Variants in PKP4 observed in about 807,000 individuals in gnomAD.
The protein encoded by PKP4 is plakophilin 4.
Under a neutral mutation model 145.1 loss-of-function variants are expected in PKP4, and 90 were observed. That is an observed-to-expected ratio of 0.62 (90% CI 0.52 to 0.74). PKP4 has a LOEUF of 0.74. Ranked by LOEUF, PKP4 falls within the 30% of genes least tolerant of loss-of-function variation. The pLI is 0.00. For missense variants in PKP4, 1,340 were observed against 1,482.7 expected, an observed-to-expected ratio of 0.90 and a Z score of 1.58; for synonymous variants, 563 against 577.2, an observed-to-expected ratio of 0.98 and a Z score of 0.35.
intron 2 of PKP4, among the ~76,000 whole-genome samples, chr2:158,534,134 GT>G (rs1305185268): frequency 6.6e-6 from 1 of 151,780 alleles, no homozygotes; most frequent in East Asian, 1.9e-4. Flanking sequence ...GCCACTAGAT[GT>G]TTTTTTCTCA....
chr2:158,608,794 A>C (rs374572832), intron 4 of PKP4, among the ~76,000 whole-genome samples: 2 of 99,538 alleles, frequency 2.0e-5, no homozygotes, highest in African/African-American at 7.4e-5. Flanking sequence ...GTAAAATCTT[A>C]TTTTCTTTTC....
intron 2 of PKP4, among the ~76,000 whole-genome samples, chr2:158,573,278 A>T (rs1324327928): frequency 6.6e-6 from 1 of 152,254 alleles, no homozygotes; most frequent in Non-Finnish European, 1.5e-5. Flanking sequence ...CCAATTGCAT[A>T]AATTGTGTGG....
At chr2:158,490,942 G>A (rs1002358736) in intron 1 of PKP4, among the ~76,000 whole-genome samples, 1 of 152,116 alleles carries the variant, frequency 6.6e-6, no homozygotes, top group Non-Finnish European at 1.5e-5. Flanking sequence ...ACGGCCGTAG[G>A]CATTTCTAAT....
Position 158,658,426 on chromosome 2 carries a change from T to C in PKP4, c.2093+112T>C. 4.5e-6 allele frequency: 3 copies of C among 665,894 alleles called. No individual in the cohort carries two copies. The Admixed American group carries it at 9.7e-5, about 22-fold the overall frequency. The allele number at this position is 665,894 out of a possible 1,614,324, so 41.2% of individuals were successfully genotyped here. A position where few individuals can be genotyped will look rare whatever the true frequency, so the allele number is the denominator to read the frequency against. ...AACATCTATCTAAGTTTCCAGTTTT[T>C]ATTTCAAAATTTAGGCCACTGGACT... On this transcript the variant is annotated intron_variant, in intron 12 of 21. Coordinates refer to ENST00000389759, the MANE Select transcript of PKP4 (RefSeq NM_003628.6).
chr2:158,661,254 C>T, intron 12 of PKP4, 79 bp from the exon 13 acceptor site: 1 of 1,054,942 alleles, frequency 9.5e-7, no homozygotes. Flanking sequence ...TTCGCTCTCT[C>T]AGATCCTTAA....
chr2:158,522,771 T>C (rs973167145), intron 1 of PKP4, among the ~76,000 whole-genome samples: 3 of 152,098 alleles, frequency 2.0e-5, no homozygotes, highest in Non-Finnish European at 2.9e-5. Context: ...CCAGTGGGTG[T>C]GCGCACCGTG....
chr2:158,663,539 C>A, intron 15 of PKP4, 94 bp downstream of exon 15: 1 of 1,123,996 alleles, frequency 8.9e-7, no homozygotes, highest in Non-Finnish European at 1.3e-6. Context: ...CAGATCAGCC[C>A]TGATGGTGAA....
intron 7 of PKP4, 123 bp from the exon 8 acceptor site, chr2:158,631,630 A>G (rs1388589779): frequency 4.9e-6 from 4 of 823,918 alleles, no homozygotes; most frequent in Admixed American, 4.0e-5. Context: ...GGCTCAAGCC[A>G]TTCTCCCACC....
chr2:158,474,147 T>C (rs16842963), intron 1 of PKP4, among the ~76,000 whole-genome samples: 33,491 of 152,156 alleles, frequency 0.22, 3,860 homozygotes, highest in Middle Eastern at 0.33. Context: ...TAACAGAAGC[T>C]ACTCGACGAC....
At chr2:158,483,366 T>TG (rs1397469483) in intron 1 of PKP4, among the ~76,000 whole-genome samples, 6 of 38,096 alleles carry the variant, frequency 1.6e-4, no homozygotes, top group Admixed American at 3.8e-4. Context: ...CATTGCTATG[T>TG]GTTTTTTTTT....
intron 1 of PKP4, among the ~76,000 whole-genome samples, chr2:158,519,755 T>TGAAA (rs1351691513): frequency 6.6e-6 from 1 of 152,234 alleles, no homozygotes; most frequent in African/African-American, 2.4e-5. Context: ...GCCTTTTCTA[T>TGAAA]TATTTCATGG....
At chr2:158,539,762 A>G (rs1268576917) in intron 2 of PKP4, among the ~76,000 whole-genome samples, 1 of 152,324 alleles carries the variant, frequency 6.6e-6, no homozygotes, top group Admixed American at 6.5e-5. Context: ...TATTATAAAA[A>G]TGAGGTTCAA....
At chr2:158,516,851 C>T (rs916341628) in intron 1 of PKP4, among the ~76,000 whole-genome samples, 7 of 151,594 alleles carry the variant, frequency 4.6e-5, no homozygotes, top group Non-Finnish European at 1.0e-4. Flanking sequence ...TTAATAGAGA[C>T]GGGATTTCAC....
At chr2:158,596,983 A>G (rs2049811264) in intron 3 of PKP4, among the ~76,000 whole-genome samples, 1 of 152,192 alleles carries the variant, frequency 6.6e-6, no homozygotes, top group African/African-American at 2.4e-5. Flanking sequence ...ATAGATGAGT[A>G]TAAGGAGAGT....
At chr2:158,570,865 A>G (rs534586056) in intron 2 of PKP4, among the ~76,000 whole-genome samples, 5 of 152,354 alleles carry the variant, frequency 3.3e-5, no homozygotes, top group African/African-American at 9.6e-5. Flanking sequence ...GAGGAGAAAG[A>G]AACAGAGACT....
chr2:158,625,526 G>A (rs565793058), intron 7 of PKP4, 99 bp downstream of exon 7: 34 of 1,003,996 alleles, frequency 3.4e-5, no homozygotes, highest in Non-Finnish European at 4.2e-5. Context: ...AGGCTCATTC[G>A]TGTTTTTAAT....
At chr2:158,496,963 T>C (rs1389372592) in intron 1 of PKP4, among the ~76,000 whole-genome samples, 1 of 152,210 alleles carries the variant, frequency 6.6e-6, no homozygotes, top group African/African-American at 2.4e-5. Context: ...TGAAAAAAAT[T>C]AATGGTCTGA....
intron 1 of PKP4, chr2:158,457,765 C>G (rs1246871887): frequency 6.5e-6 from 1 of 153,820 alleles, no homozygotes; most frequent in Non-Finnish European, 1.4e-5. Context: ...TGCGTTTGTC[C>G]CCGAAGTCCT....
At chr2:158,599,860 G>A (rs145113349) in intron 3 of PKP4, among the ~76,000 whole-genome samples, 54 of 152,272 alleles carry the variant, frequency 3.5e-4, no homozygotes, top group Non-Finnish European at 6.8e-4. Flanking sequence ...TCACTGGCCT[G>A]CCCTCTGGCT....
Sources: allele counts gnomAD v4.1 joint callset (sites outside exome capture counted in the v4.1 genomes callset), GRCh38; gene constraint gnomAD v4.1.1; transcripts MANE v1.5; gene names NCBI Gene and HGNC (gene_info 2026-07-23, HGNC 2026-07-21).